Variants in BICRA observed in about 807,000 individuals in gnomAD.
BICRA encodes the protein BRD4 interacting chromatin remodeling complex associated protein.
In BICRA, 31 loss-of-function variants were observed where a neutral mutation model predicts 96.9. That is an observed-to-expected ratio of 0.32 (90% confidence interval 0.24 to 0.43). BICRA has a LOEUF of 0.43. BICRA is among the 20% of genes least tolerant of loss of function. The pLI, the probability that BICRA is intolerant of heterozygous loss-of-function variation, is 1.00. For synonymous variants in BICRA, 1,350 were observed against 1,071.8 expected (o/e 1.26, Z -5.07); for missense variants, 2,283 against 2,190.3 (o/e 1.04, Z -0.84).
At chr19:47,646,099 A>T (rs1363919448) in intron 1 of BICRA, among the ~76,000 whole-genome samples, 1 of 152,140 alleles carries the variant, frequency 6.6e-6, no homozygotes, top group Non-Finnish European at 1.5e-5. Flanking sequence ...CCCTGTCTCC[A>T]AAAAAAGAAA....
At chr19:47,618,242 A>G (rs1054828347) in intron 1 of BICRA, among the ~76,000 whole-genome samples, 1 of 152,146 alleles carries the variant, frequency 6.6e-6, no homozygotes, top group Non-Finnish European at 1.5e-5. Context: ...GACCCCTAGG[A>G]TGACCCTGGA....
intron 1 of BICRA, among the ~76,000 whole-genome samples, chr19:47,643,118 C>T (rs528994837): frequency 2.0e-4 from 30 of 152,296 alleles, no homozygotes; most frequent in African/African-American, 7.0e-4. Flanking sequence ...TACAGGCGCC[C>T]TCCACCATGC....
chr19:47,671,160 C>T (rs1972856632), intron 2 of BICRA, among the ~76,000 whole-genome samples: 1 of 152,204 alleles, frequency 6.6e-6, no homozygotes, highest in Non-Finnish European at 1.5e-5. Flanking sequence ...CTTGATTCAG[C>T]AAATATGCCC....
rs1176748606 is a variant in BICRA at position 47,680,111 on chromosome 19, C to G, written c.941C>G (p.Ser314Trp). The change falls in exon 6 of 15, where the codon TCG becomes TGG. Residue 314 changes from serine (S) to tryptophan (W), a missense_variant. Coordinates refer to ENST00000594866, the MANE Select transcript of BICRA (RefSeq NM_001394372.1). Reference sequence around the variant, plus strand: ...GTGTTCGGAGGCGCGGGGGCCGCCTCGGCTCCCACCGGGACGCCCTCGGGA... The same window carrying G: ...GTGTTCGGAGGCGCGGGGGCCGCCTGGGCTCCCACCGGGACGCCCTCGGGA... Reference protein sequence around the residue: ...NSVFGGAGAASAPTGTPSGQP... With the variant: ...NSVFGGAGAAWAPTGTPSGQP... 1 of 1,535,046 alleles carries G rather than the reference C, an allele frequency of 6.5e-7. No homozygotes were observed. The highest frequency in any genetic ancestry group is 1.4e-5 in the African/African-American group (1 of 71,460).
intron 2 of BICRA, among the ~76,000 whole-genome samples, chr19:47,671,737 T>G (rs1599839958): frequency 2.0e-5 from 2 of 100,912 alleles, no homozygotes. Flanking sequence ...ATGGAGGGGA[T>G]GGGTAGGTAG....
chr19:47,661,036 C>T (rs746967617), intron 1 of BICRA, among the ~76,000 whole-genome samples: 5 of 151,852 alleles, frequency 3.3e-5, no homozygotes, highest in African/African-American at 4.8e-5. Flanking sequence ...AGTGAAACCC[C>T]GTCTCTACTA....
At chr19:47,664,845 C>G (rs1972752790) in intron 1 of BICRA, among the ~76,000 whole-genome samples, 1 of 152,214 alleles carries the variant, frequency 6.6e-6, no homozygotes, top group African/African-American at 2.4e-5. Flanking sequence ...AGCTTCTGCT[C>G]TGAACAGACA....
intron 1 of BICRA, among the ~76,000 whole-genome samples, chr19:47,667,377 A>G (rs1972798436): frequency 6.6e-6 from 1 of 152,198 alleles, no homozygotes; most frequent in Admixed American, 6.5e-5. Context: ...CCTCAGAGAC[A>G]GCTCTGCAGC....
At chr19:47,657,083 G>C (rs4555255) in intron 1 of BICRA, among the ~76,000 whole-genome samples, 1 of 152,002 alleles carries the variant, frequency 6.6e-6, no homozygotes, top group South Asian at 2.1e-4. Context: ...GGATGGTCTC[G>C]ATCTCCCAAC....
At chr19:47,614,882 A>C (rs527618702) in intron 1 of BICRA, among the ~76,000 whole-genome samples, 1 of 152,314 alleles carries the variant, frequency 6.6e-6, no homozygotes, top group South Asian at 2.1e-4. Context: ...GGAAATGAGT[A>C]CGCCTGTGGG....
chr19:47,624,992 C>CTTTTTTTTT (rs35273886), intron 1 of BICRA, among the ~76,000 whole-genome samples: 2 of 57,910 alleles, frequency 3.5e-5, no homozygotes, highest in African/African-American at 7.4e-5. Context: ...CTGCACCTGG[C>CTTTTTTTTT]TTTTTTTTTT....
At chr19:47,622,584 C>T (rs77023667) in intron 1 of BICRA, among the ~76,000 whole-genome samples, 21,724 of 150,712 alleles carry the variant, frequency 0.14, 1,652 homozygotes, top group East Asian at 0.21. Flanking sequence ...ATTAGCTGGA[C>T]GTAGTGGCTG....
chr19:47,646,740 C>G (rs950391795), intron 1 of BICRA, among the ~76,000 whole-genome samples: 1 of 152,104 alleles, frequency 6.6e-6, no homozygotes, highest in African/African-American at 2.4e-5. Context: ...TTTCATCCAG[C>G]AATTATAAAG....
intron 7 of BICRA, among the ~76,000 whole-genome samples, chr19:47,691,798 T>C (rs141660896): frequency 0.014 from 2,158 of 152,274 alleles, 52 homozygotes; most frequent in African/African-American, 0.049. Context: ...TGGGCTCAAG[T>C]GATCCACCTG....
intron 1 of BICRA, among the ~76,000 whole-genome samples, chr19:47,644,791 G>A (rs1028660468): frequency 1.3e-5 from 2 of 152,278 alleles, no homozygotes; most frequent in East Asian, 1.9e-4. Flanking sequence ...GTGAGCCACC[G>A]CGCCCGGATT....
At chr19:47,626,800 C>T (rs1440111456) in intron 1 of BICRA, among the ~76,000 whole-genome samples, 1 of 148,624 alleles carries the variant, frequency 6.7e-6, no homozygotes, top group Non-Finnish European at 1.5e-5. Flanking sequence ...CAGCTCACTG[C>T]AACCTCCACC....
At chr19:47,641,181 A>G (rs141866147) in intron 1 of BICRA, among the ~76,000 whole-genome samples, 23 of 149,910 alleles carry the variant, frequency 1.5e-4, no homozygotes, top group Non-Finnish European at 3.1e-4. Context: ...CGGCCTCCCA[A>G]AGTTCTGGGA....
intron 11 of BICRA, among the ~76,000 whole-genome samples, chr19:47,696,800 C>T (rs576399848): frequency 3.3e-5 from 5 of 151,838 alleles, no homozygotes; most frequent in Admixed American, 1.3e-4. Context: ...GTCTCCCACA[C>T]GGCTGGGCCG....
intron 1 of BICRA, among the ~76,000 whole-genome samples, chr19:47,634,879 C>CAG (rs1257379823): frequency 6.6e-6 from 1 of 150,930 alleles, no homozygotes; most frequent in Admixed American, 6.6e-5. Flanking sequence ...TCTCCTCCCT[C>CAG]AGCCTCCTGA....
Sources: allele counts gnomAD v4.1 joint callset (sites outside exome capture counted in the v4.1 genomes callset), GRCh38; gene constraint gnomAD v4.1.1; transcripts MANE v1.5; gene names NCBI Gene and HGNC (gene_info 2026-07-23, HGNC 2026-07-21).